Variants in LRMDA observed in about 807,000 individuals in gnomAD.
LRMDA encodes the protein leucine rich melanocyte differentiation associated.
Under a neutral mutation model 29.8 loss-of-function variants are expected in LRMDA, and 18 were observed. The ratio of observed to expected loss-of-function variants is 0.60; its 90% CI spans 0.42 to 0.90. The LOEUF is 0.90. Among genes scored for constraint, LRMDA ranks in the 40% least tolerant of loss-of-function variants. LRMDA has a pLI of 0.00. For synonymous variants in LRMDA, 125 were observed against 109.4 expected (o/e 1.14, Z -0.89); for missense variants, 273 against 273.9 (o/e 1.00, Z 0.02).
chr10:76,086,661 C>T (rs1191965475), intron 5 of LRMDA, among the ~76,000 whole-genome samples: 1 of 152,118 alleles, frequency 6.6e-6, no homozygotes, highest in South Asian at 2.1e-4. Flanking sequence ...GGAGAGAGAG[C>T]GTTTTACTCT....
chr10:75,508,914 T>A (rs1430439474), intron 2 of LRMDA, among the ~76,000 whole-genome samples: 2 of 152,212 alleles, frequency 1.3e-5, no homozygotes, highest in Admixed American at 1.3e-4. Context: ...GTCTTTATGG[T>A]GTTTTTTCAC....
intron 2 of LRMDA, among the ~76,000 whole-genome samples, chr10:75,624,889 A>C (rs1398073290): frequency 6.6e-6 from 1 of 152,210 alleles, no homozygotes; most frequent in Non-Finnish European, 1.5e-5. Context: ...CAGCTTCCTA[A>C]CCAAGGCACA....
chr10:76,517,931 T>C (rs1033547084), intron 6 of LRMDA, among the ~76,000 whole-genome samples: 3 of 34,556 alleles, frequency 8.7e-5, no homozygotes, highest in Admixed American at 3.3e-4. Context: ...GAAATATATA[T>C]ATATAAACAT....
chr10:75,743,735 C>T (rs1842858482), intron 2 of LRMDA: 1 of 152,152 alleles, frequency 6.6e-6, no homozygotes, highest in Non-Finnish European at 1.5e-5. Context: ...CATGTTTAAA[C>T]TGACTCTGAG....
chr10:75,458,820 C>G (rs1455133804), intron 2 of LRMDA, among the ~76,000 whole-genome samples: 2 of 152,022 alleles, frequency 1.3e-5, no homozygotes, highest in Non-Finnish European at 2.9e-5. Flanking sequence ...AGTTATCTTC[C>G]TGGTTCATGT....
At position 76,148,113 on chromosome 10, in the gene LRMDA, G is replaced by A. The variant is rs186884890; in HGVS notation, c.516+89330G>A. Among the ~76,000 whole-genome samples the A allele has an allele frequency of 3.6e-3, 545 of 152,280 alleles. 2 individuals are homozygous for A. Among genetic ancestry groups the A allele is most frequent in the Admixed American group, 8.3e-3 (127 of 15,306 alleles). On this transcript the variant is annotated intron_variant, in intron 5 of 6. Coordinates refer to ENST00000611255, the MANE Select transcript of LRMDA (RefSeq NM_001305581.2). The stretch of plus-strand genomic sequence containing the variant: ...TGCCCCTACTGGGGGGTGCCTCCCC[G>A]TTAGGCTACTCGGAAGTCAGGGACC...
rs115017418 is a variant in LRMDA, at chr10:76,428,263, G to A, written c.601+103778G>A. Among the ~76,000 whole-genome samples the A allele has an allele frequency of 2.8e-3, 430 of 152,184 alleles. 1 individual carries two copies. The highest frequency in any genetic ancestry group is 9.5e-3 in the African/African-American group (394 of 41,526). ...GAGAGAGCATATCTAGGAGGAGCCAGCCTGTCTTGGATTGTAGTGATATTT... is the reference window on the plus strand; with the variant it reads ...GAGAGAGCATATCTAGGAGGAGCCAACCTGTCTTGGATTGTAGTGATATTT... On this transcript the variant is annotated intron_variant, in intron 6 of 6. Coordinates refer to ENST00000611255, the MANE Select transcript of LRMDA (RefSeq NM_001305581.2).
intron 6 of LRMDA, among the ~76,000 whole-genome samples, chr10:76,521,291 G>A (rs1307038419): frequency 6.6e-6 from 1 of 151,876 alleles, no homozygotes; most frequent in African/African-American, 2.4e-5. Context: ...CTGCCACCAC[G>A]CCCGGCTAAT....
At chr10:76,433,431 A>G (rs536086727) in intron 6 of LRMDA, among the ~76,000 whole-genome samples, 1 of 152,290 alleles carries the variant, frequency 6.6e-6, no homozygotes, top group African/African-American at 2.4e-5. Flanking sequence ...GAAACAGCTA[A>G]TAAGTGTTGT....
At chr10:75,776,486 A>C (rs1843313377) in intron 2 of LRMDA, among the ~76,000 whole-genome samples, 1 of 152,218 alleles carries the variant, frequency 6.6e-6, no homozygotes, top group Non-Finnish European at 1.5e-5. Flanking sequence ...ACTGAGGTTC[A>C]TGGGCCAGAA....
chr10:75,483,580 C>G (rs913140967), intron 2 of LRMDA, among the ~76,000 whole-genome samples: 2 of 152,232 alleles, frequency 1.3e-5, no homozygotes, highest in Non-Finnish European at 2.9e-5. Context: ...ATACCTACTT[C>G]ATAGCATTGT....
At chr10:76,507,847 G>T (rs898954726) in intron 6 of LRMDA, among the ~76,000 whole-genome samples, 1 of 151,800 alleles carries the variant, frequency 6.6e-6, no homozygotes, top group Non-Finnish European at 1.5e-5. Context: ...TTTTTCCATT[G>T]GTCTATGTAT....
intron 2 of LRMDA, among the ~76,000 whole-genome samples, chr10:75,961,404 A>G (rs1285960319): frequency 3.3e-5 from 5 of 152,250 alleles, no homozygotes; most frequent in African/African-American, 4.8e-5. Flanking sequence ...TCACAGGTAC[A>G]TGTGTTCCCC....
intron 2 of LRMDA, among the ~76,000 whole-genome samples, chr10:75,889,037 G>A (rs141223419): frequency 1.3e-5 from 2 of 152,264 alleles, no homozygotes; most frequent in East Asian, 3.9e-4. Flanking sequence ...AATGGAAATA[G>A]CTAAGTGCAA....
chr10:75,579,813 A>G (rs1179705153), intron 2 of LRMDA, among the ~76,000 whole-genome samples: 1 of 152,234 alleles, frequency 6.6e-6, no homozygotes, highest in African/African-American at 2.4e-5. Context: ...AGAACCAATG[A>G]CAAAAATCAC....
chr10:75,609,446 T>C (rs753683390), intron 2 of LRMDA, among the ~76,000 whole-genome samples: 11 of 152,210 alleles, frequency 7.2e-5, no homozygotes, highest in Non-Finnish European at 1.2e-4. Context: ...GGCCATACCA[T>C]TGTCCATTGG....
At chr10:76,045,250 A>T (rs1848415277) in intron 3 of LRMDA, among the ~76,000 whole-genome samples, 2 of 107,428 alleles carry the variant, frequency 1.9e-5, no homozygotes, top group Admixed American at 1.2e-4. Context: ...CCCTCTGGTT[A>T]GTTTCCCTCT....
At position 76,426,703 on chromosome 10, in the gene LRMDA, C is replaced by T. The variant is rs192255772; in HGVS notation, c.601+102218C>T. ...ATACCTATGTCCTGAATGGTATTAC[C>T]TGGGTTTTCTTCTAGGGTTTTTATG... On this transcript the variant is annotated intron_variant, in intron 6 of 6. Transcript: ENST00000611255. Among the ~76,000 whole-genome samples, 7 of 152,266 alleles carry T rather than the reference C, an allele frequency of 4.6e-5. No individual in the cohort carries two copies. In the East Asian group the frequency reaches 1.2e-3, roughly 25 times the overall value.
intron 5 of LRMDA, among the ~76,000 whole-genome samples, chr10:76,294,967 G>C (rs1840393838): frequency 6.6e-6 from 1 of 152,108 alleles, no homozygotes. Context: ...CATGTTTTAG[G>C]AAAACCAGAA....
Sources: allele counts gnomAD v4.1 joint callset (sites outside exome capture counted in the v4.1 genomes callset), GRCh38; gene constraint gnomAD v4.1.1; transcripts MANE v1.5; gene names NCBI Gene and HGNC (gene_info 2026-07-23, HGNC 2026-07-21).